PIP4P1: variants seen among roughly 807,000 people sequenced by gnomAD.
PIP4P1 encodes the protein phosphatidylinositol-4,5-bisphosphate 4-phosphatase 1, also known as type 1 phosphatidylinositol 4,5-bisphosphate 4-phosphatase.
PIP4P1 carries 14 observed loss-of-function variants against 32.3 expected under a neutral mutation model. The ratio of observed to expected loss-of-function variants is 0.43; its 90% CI spans 0.29 to 0.68. PIP4P1 has a LOEUF of 0.68. Ranked by LOEUF, PIP4P1 falls within the 30% of genes least tolerant of loss-of-function variation. PIP4P1 has a pLI of 0.15. For synonymous variants in PIP4P1, 132 were observed against 137.9 expected (o/e 0.96, Z 0.30); for missense variants, 289 against 364.5 (o/e 0.79, Z 1.69).
At chr14:20,458,956 G>C (rs959396875) in intron 6 of PIP4P1, 7 of 624,010 alleles carry the variant, frequency 1.1e-5, no homozygotes, top group Non-Finnish European at 1.9e-5. Flanking sequence ...TTGAAAAATA[G>C]CAACTCTTAA....
At chr14:20,459,568 A>C in intron 4 of PIP4P1, 60 bp downstream of exon 4, 1 of 1,575,876 alleles carries the variant, frequency 6.3e-7, no homozygotes, top group East Asian at 2.2e-5. Context: ...ACTCTAAGAA[A>C]TATACTCGAA....
At position 20,458,575 on chromosome 14, in the gene PIP4P1, A is replaced by G; in HGVS notation, c.818T>C (p.Val273Ala). Residue 273 changes from valine (V) to alanine (A), a missense_variant, in exon 7 of 7, where the codon GTC becomes GCC. Coordinates refer to ENST00000250489, the MANE Select transcript of PIP4P1 (RefSeq NM_144568.4). ...TCATCAGGCTCAGGAGAAGTTCTGGACAGGGTGGCTGACCTTCATACAGGC... is the reference window on the plus strand; with the variant it reads ...TCATCAGGCTCAGGAGAAGTTCTGGGCAGGGTGGCTGACCTTCATACAGGC... ...YWACMKVSHP[V>A]QNFS 1.9e-6 allele frequency: 3 copies of G among 1,613,954 alleles called. No individual in the cohort carries two copies. Among genetic ancestry groups the G allele is most frequent in the Non-Finnish European group, 2.5e-6 (3 of 1,179,854 alleles).
chr14:20,458,041 C>G lies in PIP4P1; in HGVS notation c.*518G>C. 1 of 335,510 alleles carries G rather than the reference C, an allele frequency of 3.0e-6. No homozygotes were observed. Among genetic ancestry groups the G allele is most frequent in the Non-Finnish European group, 5.8e-6 (1 of 171,200 alleles). The allele number at this position is 335,510 out of a possible 1,614,324, so 20.8% of individuals were successfully genotyped here. On this transcript the variant is annotated 3_prime_UTR_variant, in exon 7 of 7. Coordinates refer to ENST00000250489, the MANE Select transcript of PIP4P1 (RefSeq NM_144568.4). ...CCACATTAAATAGTTATATACACAT[C>G]AGTTCCTGTGGTTCTGTACAGAGCA...
chr14:20,460,466 A>G, intron 2 of PIP4P1, 168 bp from the exon 3 acceptor site: 1 of 747,870 alleles, frequency 1.3e-6, no homozygotes, highest in East Asian at 2.7e-5. Flanking sequence ...TAGGTGTAAA[A>G]GTGAGAGAAA....
Position 20,458,181 on chromosome 14 carries a change from A to G in PIP4P1, c.*378T>C, listed in dbSNP as rs1031072807. On this transcript the variant is annotated 3_prime_UTR_variant, in exon 7 of 7. Transcript: ENST00000250489. ...CAGCAGCAAAGTCCTAATGGTGCAC[A>G]AGAGGGAGGGGAACCCCCAGGGCTA... The G allele has an allele frequency of 4.5e-5, 19 of 423,560 alleles. No individual in the cohort carries two copies. The highest frequency in any genetic ancestry group is 1.7e-4 in the Admixed American group (6 of 35,716). The allele number at this position is 423,560 out of a possible 1,614,324, so 26.2% of individuals were successfully genotyped here. A position where few individuals can be genotyped will look rare whatever the true frequency, so the allele number is the denominator to read the frequency against.
chr14:20,459,817 C>T (rs1881633963), intron 3 of PIP4P1, 84 bp from the exon 4 acceptor site: 2 of 989,252 alleles, frequency 2.0e-6, no homozygotes, highest in South Asian at 2.8e-5. Flanking sequence ...CCCTGTTCCA[C>T]ATCCCCCACT....
chr14:20,460,295 T>C lies in PIP4P1; in HGVS notation c.337A>G (p.Ile113Val). The change falls in exon 3 of 7, where the codon ATC becomes GTC. Residue 113 changes from isoleucine (I) to valine (V), a missense_variant. Ile to Val is a conservative substitution (Grantham distance 29). This residue lies in a region of PIP4P1 where 181 missense variants were observed against 263.3 expected (regional missense o/e 0.69). Transcript: ENST00000250489. ...TTTTTCCCTGGGGGTGCATTCTTGA[T>C]TGGCTAGAGAATAATAGGGTCATCA... ...KCGVCNEATP[I>V]KNAPPGKKYV... 6.2e-7 allele frequency: 1 copy of C among 1,612,444 alleles called. No individual in the cohort carries two copies. Among genetic ancestry groups the C allele is most frequent in the Non-Finnish European group, 8.5e-7 (1 of 1,178,602 alleles).
intron 3 of PIP4P1, chr14:20,459,944 C>G: frequency 1.6e-6 from 1 of 612,992 alleles, no homozygotes; most frequent in South Asian, 2.0e-5. Flanking sequence ...GTCCCCAATT[C>G]CCCTCCGACC....
rs779812725 is a variant in PIP4P1, at chr14:20,459,747, AAAG to A, written c.441-17_441-15del. The A allele has an allele frequency of 8.7e-6, 14 of 1,604,822 alleles. No individual in the cohort carries two copies. The African/African-American group carries it at 1.6e-4, about 19-fold the overall frequency. On this transcript the variant is annotated splice_polypyrimidine_tract_variant and intron_variant, in intron 3 of 6. Coordinates refer to ENST00000250489, the MANE Select transcript of PIP4P1 (RefSeq NM_144568.4). ...ATGATTCTTTTGCTATACAAAAGAA[AAAG>A]ACTTGTATTTTCAAACTTGTGTTTG...
chr14:20,460,528 C>A, intron 2 of PIP4P1, 127 bp downstream of exon 2: 1 of 1,001,786 alleles, frequency 1.0e-6, no homozygotes, highest in Non-Finnish European at 1.5e-6. Flanking sequence ...GTGTGAGACA[C>A]CTGGAACTGA....
rs747496335 is a variant in PIP4P1, at chr14:20,460,727, G to A, written c.261C>T (p.Cys87=). The change falls in exon 2 of 7, where the codon TGC becomes TGT. Residue 87 remains cysteine (C), a synonymous_variant. Transcript: ENST00000250489. ...GSAPMITCRV[C]QSLINVEGKM... is the part of the protein sequence containing the mutation. ...TGCCTTCCACGTTGATGAGAGATTGGCAGACTCGGCAGGTGATCATAGGGG... is the reference window on the plus strand; with the variant it reads ...TGCCTTCCACGTTGATGAGAGATTGACAGACTCGGCAGGTGATCATAGGGG... 5.0e-6 allele frequency: 8 copies of A among 1,613,868 alleles called. No homozygotes were observed. The Admixed American group carries it at 1.3e-4, about 27-fold the overall frequency.
In PIP4P1 at chr14:20,459,227, T is replaced by C. The variant is rs749205390; in HGVS notation, c.669A>G (p.Ala223=). 3.1e-6 allele frequency: 5 copies of C among 1,614,108 alleles called. No homozygotes were observed. In the African/African-American group the frequency reaches 6.7e-5, roughly 22 times the overall value. Residue 223 remains alanine, a synonymous_variant, in exon 6 of 7, where the codon GCA becomes GCG. Transcript: ENST00000250489. Reference sequence around the variant, plus strand: ...TCACGGCAAGGCCAGTGGCAGTGACTGCCAAAAGCAAGCCAAGCAAGAAGC... The same window carrying C: ...TCACGGCAAGGCCAGTGGCAGTGACCGCCAAAAGCAAGCCAAGCAAGAAGC... ...ICCFLLGLLL[A]VTATGLAFGT...
In PIP4P1 at chr14:20,457,989, G is replaced by A. The variant is rs911485860; in HGVS notation, c.*570C>T. The A allele has an allele frequency of 8.7e-5, 27 of 311,182 alleles. No homozygotes were observed. Among genetic ancestry groups the A allele is most frequent in the Non-Finnish European group, 2.5e-5 (4 of 161,336 alleles). 19.3% of individuals were successfully genotyped at this position (311,182 alleles called of 1,614,324 possible). ...AAAAAGGTCGGGAGGAGGAATTAAG[G>A]GAAATACAGGAATAGGGGAACATAT... is the stretch of plus-strand genomic sequence containing the variant. On this transcript the variant is annotated 3_prime_UTR_variant, in exon 7 of 7. Coordinates refer to ENST00000250489, the MANE Select transcript of PIP4P1 (RefSeq NM_144568.4).
At chr14:20,458,961 T>C (rs1881583822) in intron 6 of PIP4P1, 1 of 625,234 alleles carries the variant, frequency 1.6e-6, no homozygotes, top group Admixed American at 3.1e-5. Context: ...AAATAGCAAC[T>C]CTTAAATTAA....
intron 1 of PIP4P1, 99 bp downstream of exon 1, chr14:20,461,085 C>G: frequency 7.9e-7 from 1 of 1,271,546 alleles, no homozygotes. Flanking sequence ...CGACTGGGAC[C>G]CGCCTCCGCC....
In PIP4P1 at chr14:20,457,951, A is replaced by G. The variant is rs964161054; in HGVS notation, c.*608T>C. On this transcript the variant is annotated 3_prime_UTR_variant, in exon 7 of 7. Coordinates refer to ENST00000250489, the MANE Select transcript of PIP4P1 (RefSeq NM_144568.4). ...CCTACCCAGCCCAGTTAAATACTGC[A>G]ACTGGGGGGGTAAAAAAGGTCGGGA... 43 of 312,924 alleles carry G rather than the reference A, an allele frequency of 1.4e-4. No individual in the cohort carries two copies. Among genetic ancestry groups the G allele is most frequent in the Non-Finnish European group, 2.3e-4 (38 of 162,208 alleles). 19.4% of individuals were successfully genotyped at this position (312,924 alleles called of 1,614,324 possible).
chr14:20,460,167 C>A, intron 3 of PIP4P1, 25 bp downstream of exon 3: 3 of 1,572,840 alleles, frequency 1.9e-6, no homozygotes, highest in Middle Eastern at 3.4e-4. Context: ...CCCACTTAGG[C>A]CCTTCCCCAC....
In PIP4P1 at chr14:20,458,122, G is replaced by A. The variant is rs1453795866; in HGVS notation, c.*437C>T. The A allele has an allele frequency of 8.2e-6, 3 of 366,888 alleles. No homozygotes were observed. Among genetic ancestry groups the A allele is most frequent in the East Asian group, 1.4e-4 (2 of 13,866 alleles). The allele number at this position is 366,888 out of a possible 1,614,324, so 22.7% of individuals were successfully genotyped here. A position where few individuals can be genotyped will look rare whatever the true frequency, so the allele number is the denominator to read the frequency against. ...GTGGGGAGAGGAGACTGAGGGTACT[G>A]AGGCCAGAGCCAACCTCTGGTGAAG... On this transcript the variant is annotated 3_prime_UTR_variant, in exon 7 of 7. Transcript: ENST00000250489.
Position 20,461,211 on chromosome 14 carries a change from T to C in PIP4P1, c.115A>G (p.Thr39Ala). The change falls in exon 1 of 7, where the codon ACC becomes GCC. Residue 39 changes from threonine to alanine, a missense_variant. This residue lies in a region of PIP4P1 where 108 missense variants were observed against 101.2 expected (regional missense o/e 1.07). Coordinates refer to ENST00000250489, the MANE Select transcript of PIP4P1 (RefSeq NM_144568.4). ...GSGAGPGGGL[T>A]PSAPPYGAAF... ...GCTCCGTACGGTGGTGCGGAGGGGG[T>C]CAGGCCTCCCCCGGGCCCAGCCCCA... 8.0e-7 allele frequency: 1 copy of C among 1,251,818 alleles called. No individual in the cohort carries two copies. The highest frequency in any genetic ancestry group is 1.0e-6 in the Non-Finnish European group (1 of 993,318). The allele number at this position is 1,251,818 out of a possible 1,614,324, so 77.5% of individuals were successfully genotyped here.
Sources: allele counts gnomAD v4.1 joint callset, GRCh38; gene constraint gnomAD v4.1.1; regional missense constraint gnomAD v4.1.1; transcripts MANE v1.5; gene names NCBI Gene and HGNC (gene_info 2026-07-23, HGNC 2026-07-21).